The following NPEPPS variants were observed in gnomAD, a reference collection of about 807,000 sequenced individuals.
NPEPPS encodes puromycin-sensitive aminopeptidase.
In NPEPPS, 14 loss-of-function variants were observed where a neutral mutation model predicts 115.5. That is an observed-to-expected ratio of 0.12 (90% CI 0.08 to 0.19). NPEPPS has a LOEUF of 0.19. Among genes scored for constraint, NPEPPS ranks in the 10% least tolerant of loss-of-function variants. The pLI, the probability that NPEPPS is intolerant of heterozygous loss-of-function variation, is 1.00. For synonymous variants in NPEPPS, 285 were observed against 390.6 expected (o/e 0.73, Z 3.19); for missense variants, 523 against 1,110.8 (o/e 0.47, Z 7.52).
At position 47,576,857 on chromosome 17, in the gene NPEPPS, G is replaced by A. The variant is rs1911551916; in HGVS notation, c.419-2533G>A. Among the ~76,000 whole-genome samples, 3 of 152,068 alleles carry A rather than the reference G, an allele frequency of 2.0e-5. No individual in the cohort carries two copies. In the South Asian group the frequency reaches 6.2e-4, roughly 32 times the overall value. ...ATAAAATTAGACAATTTGGCAATCC[G>A]TTCATTAATATGGTGTAAATTTGAT... On this transcript the variant is annotated intron_variant, in intron 3 of 22. Coordinates refer to ENST00000322157, the MANE Select transcript of NPEPPS (RefSeq NM_006310.4).
At position 47,579,496 on chromosome 17, in the gene NPEPPS, T is replaced by C. The variant is rs544795051; in HGVS notation, c.525T>C (p.Ala175=). 2.5e-6 allele frequency: 4 copies of C among 1,605,474 alleles called. No homozygotes were observed. The highest frequency in any genetic ancestry group is 3.4e-6 in the Non-Finnish European group (4 of 1,175,404). The change falls in exon 4 of 23, where the codon GCT becomes GCC. Residue 175 remains alanine (A), a synonymous_variant. Coordinates refer to ENST00000322157, the MANE Select transcript of NPEPPS (RefSeq NM_006310.4). Reference sequence around the variant, plus strand: ...CTTCTGGAGAGGTGCGCTATGCTGCTGTAACACAGTTTGAGGTATGGGTTA... The same window carrying C: ...CTTCTGGAGAGGTGCGCTATGCTGCCGTAACACAGTTTGAGGTATGGGTTA... ...TTPSGEVRYA[A]VTQFEATDAR...
At chr17:47,559,450 G>GT (rs1424590768) in intron 2 of NPEPPS, among the ~76,000 whole-genome samples, 1 of 151,796 alleles carries the variant, frequency 6.6e-6, no homozygotes, top group Non-Finnish European at 1.5e-5. Context: ...TTGTTTGTTT[G>GT]TTTTTTTAAA....
intron 2 of NPEPPS, among the ~76,000 whole-genome samples, chr17:47,547,960 A>G (rs1909344211): frequency 6.6e-6 from 1 of 152,190 alleles, no homozygotes; most frequent in Non-Finnish European, 1.5e-5. Flanking sequence ...CGGGAGGCAG[A>G]GCTTGCAGTG....
chr17:47,600,037 C>G (rs974476114), intron 14 of NPEPPS, among the ~76,000 whole-genome samples: 2 of 152,116 alleles, frequency 1.3e-5, no homozygotes, highest in Non-Finnish European at 1.5e-5. Flanking sequence ...CCAGACTGGT[C>G]TTGAACTCCT....
At chr17:47,614,112 A>T (rs1301369705) in intron 19 of NPEPPS, among the ~76,000 whole-genome samples, 1 of 152,016 alleles carries the variant, frequency 6.6e-6, no homozygotes, top group African/African-American at 2.4e-5. Context: ...CTGGAATTAT[A>T]GGAGTGTGAT....
At chr17:47,619,455 G>A in intron 21 of NPEPPS, 2 of 510,242 alleles carry the variant, frequency 3.9e-6, no homozygotes, top group Non-Finnish European at 7.1e-6. Context: ...TTGGGAGGCT[G>A]AGGCAGGAGA....
intron 3 of NPEPPS, among the ~76,000 whole-genome samples, chr17:47,577,542 T>C (rs1238665995): frequency 1.3e-5 from 2 of 152,194 alleles, no homozygotes; most frequent in Non-Finnish European, 2.9e-5. Flanking sequence ...TTTACTATAT[T>C]CATATATACT....
intron 17 of NPEPPS, among the ~76,000 whole-genome samples, chr17:47,609,936 T>G (rs1913739155): frequency 6.6e-6 from 1 of 152,244 alleles, no homozygotes; most frequent in Non-Finnish European, 1.5e-5. Context: ...ATACTACATT[T>G]TATTTGTCCA....
intron 5 of NPEPPS, among the ~76,000 whole-genome samples, chr17:47,584,125 G>T (rs564900500): frequency 6.6e-6 from 1 of 151,370 alleles, no homozygotes; most frequent in Non-Finnish European, 1.5e-5. Flanking sequence ...GGAGGCTGAG[G>T]CAGGAGAATT....
intron 1 of NPEPPS, among the ~76,000 whole-genome samples, chr17:47,532,957 C>T (rs2644334): frequency 6.6e-6 from 1 of 151,876 alleles, no homozygotes; most frequent in African/African-American, 2.4e-5. Context: ...TTTCATTTCT[C>T]TTCCTACTGC....
chr17:47,600,124 T>A (rs1913102599), intron 14 of NPEPPS, among the ~76,000 whole-genome samples: 1 of 152,104 alleles, frequency 6.6e-6, no homozygotes, highest in African/African-American at 2.4e-5. Context: ...AGCCATAGAA[T>A]TACTCTTTTA....
At chr17:47,611,928 G>A (rs576649631) in intron 17 of NPEPPS, among the ~76,000 whole-genome samples, 1 of 152,120 alleles carries the variant, frequency 6.6e-6, no homozygotes, top group African/African-American at 2.4e-5. Flanking sequence ...ATCATAGTGG[G>A]TATGAATTGG....
rs755850863 is a variant in NPEPPS at position 47,619,758 on chromosome 17, G to C, written c.2581G>C (p.Val861Leu). 10 of 1,613,572 alleles carry C rather than the reference G, an allele frequency of 6.2e-6. No individual in the cohort carries two copies. The highest frequency in any genetic ancestry group is 6.8e-6 in the Non-Finnish European group (8 of 1,179,686). Residue 861 changes from valine (V) to leucine (L), a missense_variant, in exon 22 of 23, where the codon GTT (valine) becomes CTT (leucine). Val to Leu is a conservative substitution (Grantham distance 32, BLOSUM62 1). Coordinates refer to ENST00000322157, the MANE Select transcript of NPEPPS (RefSeq NM_006310.4). ...LIKLSVEGFA[V>L]DKMAGEVKAF... is the part of the protein sequence containing the mutation. ...GCAGCTATCAGTTGAGGGATTTGCA[G>C]TTGATAAAATGGCTGGAGAGGTTAA...
At chr17:47,584,399 A>G (rs577743484) in intron 5 of NPEPPS, among the ~76,000 whole-genome samples, 1 of 152,170 alleles carries the variant, frequency 6.6e-6, no homozygotes, top group Non-Finnish European at 1.5e-5. Context: ...TGAACAGGGT[A>G]AGCATTCCCC....
chr17:47,554,678 T>G (rs1241789697), intron 2 of NPEPPS, among the ~76,000 whole-genome samples: 2 of 152,148 alleles, frequency 1.3e-5, no homozygotes, highest in Non-Finnish European at 2.9e-5. Context: ...AGTATCTTAT[T>G]GTATTATACT....
intron 2 of NPEPPS, among the ~76,000 whole-genome samples, chr17:47,557,110 A>T (rs959205506): frequency 5.3e-5 from 8 of 151,364 alleles, no homozygotes; most frequent in African/African-American, 1.9e-4. Context: ...ACGGAGTCTC[A>T]CTCTGTCACC....
In NPEPPS at chr17:47,619,063, A is replaced by G; in HGVS notation, c.2458A>G (p.Ser820Gly). The G allele has an allele frequency of 6.2e-7, 1 of 1,613,958 alleles. No individual in the cohort carries two copies. Among genetic ancestry groups the G allele is most frequent in the Non-Finnish European group, 8.5e-7 (1 of 1,179,848 alleles). Residue 820 changes from serine to glycine, a missense_variant, in exon 21 of 23, where the codon AGC (serine) becomes GGC (glycine). Transcript: ENST00000322157. Reference sequence around the variant, plus strand: ...GGTAATTGGTGGAGTAGCTGGAGGCAGCAAGCATGGTAGGAAAGCTGCTTG... The same window carrying G: ...GGTAATTGGTGGAGTAGCTGGAGGCGGCAAGCATGGTAGGAAAGCTGCTTG... ...VSVIGGVAGG[S>G]KHGRKAAWKF... is the part of the protein sequence containing the mutation.
intron 4 of NPEPPS, chr17:47,581,022 A>T (rs1176872615): frequency 6.6e-6 from 1 of 152,232 alleles, no homozygotes; most frequent in African/African-American, 2.4e-5. Flanking sequence ...GCCATGAGTA[A>T]TAGGCCCAGC....
At chr17:47,543,870 A>AGTTTGTTTGTTTGTTTGTTT (rs56297702) in intron 1 of NPEPPS, among the ~76,000 whole-genome samples, 1 of 145,440 alleles carries the variant, frequency 6.9e-6, no homozygotes, top group Non-Finnish European at 1.5e-5. Flanking sequence ...CCAAGATGCT[A>AGTTTGTTTGTTTGTTTGTTT]GTTTGTTTGT....
Sources: allele counts gnomAD v4.1 joint callset (sites outside exome capture counted in the v4.1 genomes callset), GRCh38; gene constraint gnomAD v4.1.1; transcripts MANE v1.5; gene names NCBI Gene and HGNC (gene_info 2026-07-23, HGNC 2026-07-21).